Variants in DLG2 observed in about 807,000 individuals in gnomAD.
DLG2 encodes the protein discs large MAGUK scaffold protein 2.
A neutral mutation model predicts 132.5 loss-of-function variants in DLG2; 45 were observed. The ratio of observed to expected loss-of-function variants is 0.34; its 90% confidence interval spans 0.27 to 0.44. DLG2 has a LOEUF of 0.44. Ranked by LOEUF, DLG2 falls within the 20% of genes least tolerant of loss-of-function variation. The pLI is 1.00. For missense variants in DLG2, 1,045 were observed against 1,196.9 expected (o/e 0.87, Z 1.87); for synonymous variants, 424 against 419.6 (o/e 1.01, Z -0.13).
intron 7 of DLG2, among the ~76,000 whole-genome samples, chr11:84,279,824 A>T (rs1307779894): frequency 6.6e-6 from 1 of 152,190 alleles, no homozygotes; most frequent in Non-Finnish European, 1.5e-5. Flanking sequence ...GGGGGTGCTA[A>T]GGGAGGGATA....
chr11:84,985,807 A>G (rs1462439893), intron 6 of DLG2, among the ~76,000 whole-genome samples: 1 of 152,022 alleles, frequency 6.6e-6, no homozygotes, highest in African/African-American at 2.4e-5. Flanking sequence ...AGCCTGGCCA[A>G]CATGATGAAA....
intron 7 of DLG2, among the ~76,000 whole-genome samples, chr11:84,383,180 C>A (rs945644266): frequency 1.3e-5 from 2 of 152,082 alleles, no homozygotes; most frequent in African/African-American, 4.8e-5. Flanking sequence ...TACATTTCAG[C>A]AAAGCTGTTG....
At chr11:83,826,138 T>C (rs2052707462) in intron 17 of DLG2, among the ~76,000 whole-genome samples, 1 of 152,202 alleles carries the variant, frequency 6.6e-6, no homozygotes, top group Admixed American at 6.5e-5. Context: ...GATAGGCTTT[T>C]TGTACAGTTT....
chr11:85,452,100 A>G (rs984138355), intron 3 of DLG2, among the ~76,000 whole-genome samples: 3 of 152,150 alleles, frequency 2.0e-5, no homozygotes, highest in Admixed American at 2.0e-4. Flanking sequence ...TTTTTATAAT[A>G]GATTATATTT....
chr11:84,463,405 C>G (rs1174791181), intron 7 of DLG2, among the ~76,000 whole-genome samples: 1 of 151,040 alleles, frequency 6.6e-6, no homozygotes, highest in Non-Finnish European at 1.5e-5. Context: ...GATGCTATCT[C>G]AAGAAAAGGC....
At chr11:85,382,325 A>G (rs1388577182) in intron 3 of DLG2, among the ~76,000 whole-genome samples, 1 of 152,154 alleles carries the variant, frequency 6.6e-6, no homozygotes, top group Non-Finnish European at 1.5e-5. Flanking sequence ...ATGCAAAGGA[A>G]TCAATTTGAA....
At chr11:84,753,967 G>A (rs1421298042) in intron 6 of DLG2, among the ~76,000 whole-genome samples, 1 of 152,178 alleles carries the variant, frequency 6.6e-6, no homozygotes, top group East Asian at 1.9e-4. Flanking sequence ...ACCGACCAAT[G>A]CGTTTTGCAA....
At chr11:85,456,312 T>A (rs968613244) in intron 3 of DLG2, among the ~76,000 whole-genome samples, 2 of 152,192 alleles carry the variant, frequency 1.3e-5, no homozygotes, top group African/African-American at 2.4e-5. Flanking sequence ...GGTGGTAATG[T>A]CCCCTTTGTC....
chr11:84,077,683 A>T (rs2096848005), intron 10 of DLG2, among the ~76,000 whole-genome samples: 1 of 152,204 alleles, frequency 6.6e-6, no homozygotes, highest in Non-Finnish European at 1.5e-5. Context: ...TTACATCACT[A>T]TTTCAAATGT....
chr11:85,496,691 C>T (rs1393801695), intron 3 of DLG2, among the ~76,000 whole-genome samples: 14 of 151,942 alleles, frequency 9.2e-5, no homozygotes, highest in Admixed American at 6.6e-4. Flanking sequence ...ACCTCATACA[C>T]GCTCGTGCCC....
At position 84,612,710 on chromosome 11, in the gene DLG2, G is replaced by C. The variant is rs141078041; in HGVS notation, c.358-77979C>G. Among the ~76,000 whole-genome samples the C allele has an allele frequency of 5.5e-3, 832 of 152,018 alleles. 8 individuals carry two copies. Among genetic ancestry groups the C allele is most frequent in the African/African-American group, 0.019 (806 of 41,470 alleles). ...ATTTTTAACTTTTTTAAATTAAAAA[G>C]AAGTAATAATATTTGTTAAGCAACT... is the stretch of plus-strand genomic sequence containing the variant. On this transcript the variant is annotated intron_variant, in intron 6 of 27. Transcript: ENST00000376104.
chr11:83,823,859 A>C (rs2051632181), intron 17 of DLG2, among the ~76,000 whole-genome samples: 1 of 152,082 alleles, frequency 6.6e-6, no homozygotes, highest in Admixed American at 6.6e-5. Context: ...TCTCCTTTTA[A>C]ATGCTCTTTT....
chr11:84,564,976 A>G (rs1017234027), intron 6 of DLG2, among the ~76,000 whole-genome samples: 2 of 152,226 alleles, frequency 1.3e-5, no homozygotes, highest in African/African-American at 4.8e-5. Flanking sequence ...TTTTAAAGAC[A>G]CCTACAGGTA....
At chr11:84,983,735 T>A (rs557829979) in intron 6 of DLG2, among the ~76,000 whole-genome samples, 3 of 152,200 alleles carry the variant, frequency 2.0e-5, no homozygotes, top group African/African-American at 7.2e-5. Flanking sequence ...TTTAAGGAAA[T>A]TTTTTAAAAA....
At chr11:84,738,070 G>A (rs934468285) in intron 6 of DLG2, among the ~76,000 whole-genome samples, 5 of 151,940 alleles carry the variant, frequency 3.3e-5, no homozygotes, top group Non-Finnish European at 7.4e-5. Context: ...GCGTAAACTG[G>A]GTTAGAAATA....
intron 4 of DLG2, among the ~76,000 whole-genome samples, chr11:85,165,914 C>G (rs1255253434): frequency 6.6e-6 from 1 of 152,082 alleles, no homozygotes; most frequent in Non-Finnish European, 1.5e-5. Context: ...CACTGTCTTC[C>G]TAGTTCTGTC....
intron 7 of DLG2, among the ~76,000 whole-genome samples, chr11:84,335,698 G>A (rs552445407): frequency 1.3e-5 from 2 of 152,270 alleles, no homozygotes; most frequent in East Asian, 3.9e-4. Context: ...ATCAGCTGTG[G>A]GACCTCAGGC....
At chr11:84,614,601 T>A (rs1033256290) in intron 6 of DLG2, among the ~76,000 whole-genome samples, 1 of 152,198 alleles carries the variant, frequency 6.6e-6, no homozygotes, top group African/African-American at 2.4e-5. Flanking sequence ...GGGAGACCAG[T>A]TGTCTTGGAG....
At chr11:85,076,000 T>C (rs1167380571) in intron 6 of DLG2, among the ~76,000 whole-genome samples, 1 of 151,930 alleles carries the variant, frequency 6.6e-6, no homozygotes, top group South Asian at 2.1e-4. Context: ...GCAATTATAT[T>C]TAGAGCTCCC....
Sources: allele counts gnomAD v4.1 joint callset (sites outside exome capture counted in the v4.1 genomes callset), GRCh38; gene constraint gnomAD v4.1.1; transcripts MANE v1.5; gene names NCBI Gene and HGNC (gene_info 2026-07-23, HGNC 2026-07-21).